Variants in SLC9A8 observed in about 807,000 individuals in gnomAD.
SLC9A8 encodes the protein solute carrier family 9 member A8.
A neutral mutation model predicts 66.6 loss-of-function variants in SLC9A8; 48 were observed. The ratio of observed to expected loss-of-function variants is 0.72; its 90% CI spans 0.57 to 0.92. SLC9A8 has a LOEUF of 0.92. Among genes scored for constraint, SLC9A8 ranks in the 40% least tolerant of loss-of-function variants. SLC9A8 has a pLI of 0.00. For missense variants in SLC9A8, 599 were observed against 747.3 expected, an observed-to-expected ratio of 0.80 and a Z score of 2.31; for synonymous variants, 274 against 282.6, an observed-to-expected ratio of 0.97 and a Z score of 0.31.
At position 49,850,808 on chromosome 20, in the gene SLC9A8, A is replaced by C. The variant is rs1600721687; in HGVS notation, c.535-2A>C. On this transcript the variant is annotated splice_acceptor_variant, in intron 6 of 15. Transcript: ENST00000361573. LOFTEE classifies it high-confidence loss of function. ...TGTGTGTTTGTGTGTTTTATTTTAC[A>C]GGCTGATGTAATCTCTAAACTCAAC... 1 of 1,611,624 alleles carries C rather than the reference A, an allele frequency of 6.2e-7. No individual in the cohort carries two copies. Among genetic ancestry groups the C allele is most frequent in the Non-Finnish European group, 8.5e-7 (1 of 1,179,330 alleles).
At chr20:49,866,495 G>T (rs2088973969) in intron 10 of SLC9A8, among the ~76,000 whole-genome samples, 1 of 152,134 alleles carries the variant, frequency 6.6e-6, no homozygotes, top group Non-Finnish European at 1.5e-5. Flanking sequence ...ATGAGAGAGT[G>T]CCAGTTGCTT....
At chr20:49,833,152 C>T (rs1206275527) in intron 3 of SLC9A8, among the ~76,000 whole-genome samples, 1 of 152,164 alleles carries the variant, frequency 6.6e-6, no homozygotes, top group East Asian at 1.9e-4. Context: ...GATCCGCCCA[C>T]CTTGGCCTCT....
chr20:49,882,018 C>T (rs747110535), intron 13 of SLC9A8, among the ~76,000 whole-genome samples: 13 of 152,106 alleles, frequency 8.5e-5, no homozygotes, highest in Non-Finnish European at 1.5e-4. Flanking sequence ...GGCTCTTGCT[C>T]TGTGGGTTTC....
intron 2 of SLC9A8, among the ~76,000 whole-genome samples, chr20:49,815,803 G>A (rs2086529418): frequency 6.6e-6 from 1 of 152,122 alleles, no homozygotes; most frequent in African/African-American, 2.4e-5. Context: ...ACTCAAAGGA[G>A]TATGCACCTG....
chr20:49,840,849 G>C (rs1394183741), intron 4 of SLC9A8, among the ~76,000 whole-genome samples: 1 of 152,086 alleles, frequency 6.6e-6, no homozygotes, highest in African/African-American at 2.4e-5. Flanking sequence ...GGCGTTGGCG[G>C]CTCATGCCTG....
At chr20:49,830,062 T>TA (rs1279465913) in intron 3 of SLC9A8, 1 of 712,006 alleles carries the variant, frequency 1.4e-6, no homozygotes, top group East Asian at 3.1e-5. Context: ...GCGAGCCTGT[T>TA]AAAGATGCAG....
intron 8 of SLC9A8, among the ~76,000 whole-genome samples, chr20:49,859,337 T>C (rs1474142516): frequency 1.3e-5 from 2 of 152,164 alleles, no homozygotes; most frequent in African/African-American, 2.4e-5. Context: ...GCCTTAAGCA[T>C]GAGGGGGCTC....
At chr20:49,880,414 G>A (rs536534589) in intron 12 of SLC9A8, among the ~76,000 whole-genome samples, 8 of 152,160 alleles carry the variant, frequency 5.3e-5, no homozygotes, top group South Asian at 4.1e-4. Flanking sequence ...CTACCTCTGC[G>A]TTCCTCTTGC....
chr20:49,860,618 G>A (rs573178909), intron 8 of SLC9A8, among the ~76,000 whole-genome samples: 156 of 152,256 alleles, frequency 1.0e-3, no homozygotes, highest in African/African-American at 3.6e-3. Context: ...CTACTTGGGA[G>A]GCTGACGCAG....
intron 10 of SLC9A8, among the ~76,000 whole-genome samples, chr20:49,866,317 G>A (rs1260752741): frequency 1.3e-5 from 2 of 152,146 alleles, no homozygotes; most frequent in African/African-American, 4.8e-5. Flanking sequence ...AAGGGCATTT[G>A]GGGTTTTCCA....
intron 12 of SLC9A8, among the ~76,000 whole-genome samples, chr20:49,879,538 C>T (rs1304292197): frequency 6.6e-6 from 1 of 152,232 alleles, no homozygotes; most frequent in African/African-American, 2.4e-5. Flanking sequence ...GAAACATTTA[C>T]TCTTGGCCAG....
At chr20:49,866,331 T>C (rs1013426115) in intron 10 of SLC9A8, among the ~76,000 whole-genome samples, 1 of 152,226 alleles carries the variant, frequency 6.6e-6, no homozygotes, top group Non-Finnish European at 1.5e-5. Flanking sequence ...TTTTCCAGAT[T>C]TGGGCTAAGA....
chr20:49,867,590 C>T (rs1056658893), intron 10 of SLC9A8, among the ~76,000 whole-genome samples: 3 of 152,196 alleles, frequency 2.0e-5, no homozygotes, highest in African/African-American at 4.8e-5. Context: ...TCCAAGAGCT[C>T]TCTTTCTGTG....
At chr20:49,876,028 C>T (rs903542701) in intron 11 of SLC9A8, among the ~76,000 whole-genome samples, 5 of 152,112 alleles carry the variant, frequency 3.3e-5, no homozygotes, top group African/African-American at 9.7e-5. Flanking sequence ...CATGAGCCAC[C>T]GCACCCGGCC....
Position 49,887,976 on chromosome 20 carries a change from G to C in SLC9A8, c.*40G>C. On this transcript the variant is annotated 3_prime_UTR_variant, in exon 16 of 16. Transcript: ENST00000361573. ...GCTTCAGGCAGGCAGGCCCAGGATGGGCGTTTGCTGCGCACAGACACTCAG... is the reference window on the plus strand; with the variant it reads ...GCTTCAGGCAGGCAGGCCCAGGATGCGCGTTTGCTGCGCACAGACACTCAG... 6.7e-7 allele frequency: 1 copy of C among 1,503,302 alleles called. No homozygotes were observed. The highest frequency in any genetic ancestry group is 9.3e-7 in the Non-Finnish European group (1 of 1,080,578). The allele number at this position is 1,503,302 out of a possible 1,614,324, so 93.1% of individuals were successfully genotyped here. A position where few individuals can be genotyped will look rare whatever the true frequency, so the allele number is the denominator to read the frequency against.
intron 3 of SLC9A8, among the ~76,000 whole-genome samples, chr20:49,831,423 C>G (rs1051371748): frequency 7.0e-5 from 10 of 142,746 alleles, no homozygotes; most frequent in African/African-American, 2.5e-4. Flanking sequence ...CTCTCTCTCT[C>G]TCTCTCTCTG....
intron 2 of SLC9A8, among the ~76,000 whole-genome samples, chr20:49,818,093 A>G (rs1413551154): frequency 6.6e-6 from 1 of 152,192 alleles, no homozygotes; most frequent in Non-Finnish European, 1.5e-5. Context: ...TATGACTTTT[A>G]AAGTAACTTC....
Position 49,815,133 on chromosome 20 carries a change from C to A in SLC9A8, c.152C>A (p.Ala51Asp), listed in dbSNP as rs1464435092. ...CTCCCCGTGCAGACAGGGGAGCAGG[C>A]CCAGCAAGAGGAGCAGTCCAGCGGC... ...PILPVQTGEQ[A>D]QQEEQSSGMT... is the part of the protein sequence containing the mutation. The change falls in exon 2 of 16, where the codon GCC becomes GAC. Residue 51 changes from alanine (A) to aspartate (D), a missense_variant. Ala to Asp is a moderately radical substitution (Grantham distance 126, BLOSUM62 -2). Around this residue, in one of 2 missense-constraint regions of SLC9A8, gnomAD observed 132 missense variants for 120.9 expected, o/e 1.09. Transcript: ENST00000361573. The A allele has an allele frequency of 6.2e-7, 1 of 1,606,572 alleles. No individual in the cohort carries two copies. The highest frequency in any genetic ancestry group is 8.5e-7 in the Non-Finnish European group (1 of 1,176,704).
chr20:49,883,995 A>C lies in SLC9A8; in HGVS notation c.1420A>C (p.Met474Leu). 1.2e-6 allele frequency: 2 copies of C among 1,613,610 alleles called. No homozygotes were observed. The highest frequency in any genetic ancestry group is 1.7e-6 in the Non-Finnish European group (2 of 1,179,966). Residue 474 changes from methionine (M) to leucine (L), a missense_variant, in exon 14 of 16, where the codon ATG (methionine) becomes CTG (leucine). By Grantham distance (15) the Met-to-Leu change is conservative (BLOSUM62 2). Around this residue, in one of 2 missense-constraint regions of SLC9A8, gnomAD observed 467 missense variants for 626.5 expected, o/e 0.75. Coordinates refer to ENST00000361573, the MANE Select transcript of SLC9A8 (RefSeq NM_015266.3). ...CAGCACCATGCCCCTCATTCGCCTC[A>C]TGGACATCGAGGACGCCAAGGCACA... Reference protein sequence around the residue: ...GGSTMPLIRLMDIEDAKAHRR... With the variant: ...GGSTMPLIRLLDIEDAKAHRR...
Sources: allele counts gnomAD v4.1 joint callset (sites outside exome capture counted in the v4.1 genomes callset), GRCh38; gene constraint gnomAD v4.1.1; regional missense constraint gnomAD v4.1.1; transcripts MANE v1.5; gene names NCBI Gene and HGNC (gene_info 2026-07-23, HGNC 2026-07-21).